GRID2: variants seen among roughly 807,000 people sequenced by gnomAD.
The protein encoded by GRID2 is glutamate ionotropic receptor delta type subunit 2, also known as glutamate receptor ionotropic, delta-2.
In GRID2, 33 loss-of-function variants were observed where a neutral mutation model predicts 114.8. The ratio of observed to expected loss-of-function variants is 0.29; its 90% CI spans 0.22 to 0.38. The LOEUF is 0.38. Ranked by LOEUF, GRID2 falls within the 10% of genes least tolerant of loss-of-function variation. The pLI is 1.00. For missense variants in GRID2, 1,184 were observed against 1,257.7 expected (o/e 0.94, Z 0.89); for synonymous variants, 505 against 449.9 (o/e 1.12, Z -1.55).
At chr4:93,148,020 A>C (rs1481900045) in intron 4 of GRID2, among the ~76,000 whole-genome samples, 2 of 152,194 alleles carry the variant, frequency 1.3e-5, no homozygotes, top group Non-Finnish European at 2.9e-5. Flanking sequence ...GGTACATAGC[A>C]AGTGCTTCAC....
chr4:93,398,123 A>ATGTGTGTGTGTGTGTGTGTG (rs151125359), intron 9 of GRID2, among the ~76,000 whole-genome samples: 7 of 131,532 alleles, frequency 5.3e-5, no homozygotes, highest in African/African-American at 1.6e-4. Flanking sequence ...ACATACATGT[A>ATGTGTGTGTGTGTGTGTGTG]TGTGTGTGTG....
chr4:93,673,910 AG>A (rs1724635664), intron 14 of GRID2, among the ~76,000 whole-genome samples: 1 of 152,030 alleles, frequency 6.6e-6, no homozygotes, highest in Admixed American at 6.6e-5. Context: ...TTCCTCTCAG[AG>A]CACCAACTAG....
intron 13 of GRID2, among the ~76,000 whole-genome samples, chr4:93,548,037 C>T (rs1367341043): frequency 6.6e-6 from 1 of 151,978 alleles, no homozygotes; most frequent in Non-Finnish European, 1.5e-5. Context: ...ATTAGCTGGG[C>T]ACGGTGGTGC....
intron 11 of GRID2, among the ~76,000 whole-genome samples, chr4:93,468,385 A>C (rs1484303401): frequency 1.3e-5 from 2 of 152,094 alleles, no homozygotes; most frequent in Non-Finnish European, 2.9e-5. Context: ...TAAATAAATA[A>C]ATAAACTACA....
At chr4:93,152,337 A>T (rs1450035639) in intron 4 of GRID2, among the ~76,000 whole-genome samples, 1 of 152,154 alleles carries the variant, frequency 6.6e-6, no homozygotes, top group East Asian at 1.9e-4. Context: ...AAGAATAAAA[A>T]GGGAGAAACC....
intron 2 of GRID2, among the ~76,000 whole-genome samples, chr4:92,939,765 G>T (rs1220353752): frequency 6.8e-6 from 1 of 147,376 alleles, no homozygotes; most frequent in African/African-American, 2.4e-5. Flanking sequence ...AAGGGATCCA[G>T]TTTCAGCTTT....
intron 4 of GRID2, among the ~76,000 whole-genome samples, chr4:93,177,430 T>C (rs1739452106): frequency 6.6e-6 from 1 of 152,114 alleles, no homozygotes; most frequent in South Asian, 2.1e-4. Context: ...CCTCATTTTA[T>C]GGATGCAGAA....
At chr4:93,206,666 G>A (rs986963509) in intron 4 of GRID2, among the ~76,000 whole-genome samples, 2 of 151,016 alleles carry the variant, frequency 1.3e-5, no homozygotes, top group African/African-American at 4.9e-5. Flanking sequence ...TTTGGCCTAA[G>A]CCAAGAATCA....
chr4:92,622,728 A>G (rs1218697269), intron 2 of GRID2, among the ~76,000 whole-genome samples: 2 of 151,678 alleles, frequency 1.3e-5, no homozygotes, highest in African/African-American at 4.8e-5. Flanking sequence ...GAGTGCATCA[A>G]ATTTTGAGTC....
intron 2 of GRID2, among the ~76,000 whole-genome samples, chr4:92,788,505 C>T (rs1057442736): frequency 6.6e-6 from 1 of 151,880 alleles, no homozygotes; most frequent in African/African-American, 2.4e-5. Context: ...TAAAAGAGAA[C>T]ATGCAAGAAT....
intron 10 of GRID2, among the ~76,000 whole-genome samples, chr4:93,443,035 A>G (rs1203926781): frequency 6.6e-6 from 1 of 152,002 alleles, no homozygotes; most frequent in Non-Finnish European, 1.5e-5. Context: ...GAAATATACC[A>G]TAAATATAAA....
rs1399520139 is a variant in GRID2, at chr4:93,007,469, T to TA, written c.245-77520dup. ...AATAAAGCAGCAGTAAAGCCTTTTT[T>TA]AAAAAATGCAAGGAAAGACTATATG... On this transcript the variant is annotated intron_variant, in intron 2 of 15. Coordinates refer to ENST00000282020, the MANE Select transcript of GRID2 (RefSeq NM_001510.4). Among the ~76,000 whole-genome samples the TA allele has an allele frequency of 2.6e-5, 4 of 152,148 alleles. No homozygotes were observed. In the East Asian group the frequency reaches 5.8e-4, roughly 22 times the overall value.
At chr4:92,353,119 C>T (rs1370958265) in intron 1 of GRID2, among the ~76,000 whole-genome samples, 1 of 151,786 alleles carries the variant, frequency 6.6e-6, no homozygotes, top group East Asian at 1.9e-4. Context: ...AACTCTTTTG[C>T]CTACTCAATT....
At chr4:93,719,703 CCTAAATGTT>C (rs1729195564) in intron 14 of GRID2, among the ~76,000 whole-genome samples, 1 of 152,126 alleles carries the variant, frequency 6.6e-6, no homozygotes, top group Admixed American at 6.6e-5. Flanking sequence ...CATCACTGGA[CCTAAATGTT>C]TGCTGCAATA....
chr4:93,062,326 A>C (rs1727878357), intron 2 of GRID2, among the ~76,000 whole-genome samples: 1 of 152,136 alleles, frequency 6.6e-6, no homozygotes, highest in Non-Finnish European at 1.5e-5. Flanking sequence ...AAATTTCAAA[A>C]TAAGATGGAG....
intron 2 of GRID2, among the ~76,000 whole-genome samples, chr4:93,018,671 T>C (rs1230753896): frequency 2.0e-5 from 3 of 152,098 alleles, no homozygotes; most frequent in African/African-American, 7.2e-5. Flanking sequence ...ATATCAATAA[T>C]CAAAATCTAA....
rs367612852 is a variant in GRID2 at position 92,771,460 on chromosome 4, C to T, written c.244+181174C>T. Among the ~76,000 whole-genome samples, 19 of 152,102 alleles carry T rather than the reference C, an allele frequency of 1.2e-4. 1 individual carries two copies. Among genetic ancestry groups the T allele is most frequent in the East Asian group, 3.9e-4 (2 of 5,170 alleles). On this transcript the variant is annotated intron_variant, in intron 2 of 15. Transcript: ENST00000282020. The stretch of plus-strand genomic sequence containing the variant: ...ATCCTACATTTTCTAATAGAGTATA[C>T]GGTGGGGAGGTCGGAGATTATTTTC...
At chr4:93,030,986 C>T (rs1409928944) in intron 2 of GRID2, among the ~76,000 whole-genome samples, 1 of 149,546 alleles carries the variant, frequency 6.7e-6, no homozygotes, top group Non-Finnish European at 1.5e-5. Context: ...ATTTTAATGA[C>T]TATTAAAAAA....
chr4:92,361,878 A>C (rs1375604881), intron 1 of GRID2, among the ~76,000 whole-genome samples: 1 of 151,978 alleles, frequency 6.6e-6, no homozygotes, highest in Admixed American at 6.6e-5. Flanking sequence ...TCCTCTTTCC[A>C]TTCTAGGATC....
Sources: gnomAD v4.1 joint callset for allele counts (sites outside exome capture counted in the v4.1 genomes callset) on GRCh38, gnomAD v4.1.1 for gene constraint, MANE v1.5 for transcripts, NCBI Gene and HGNC (gene_info 2026-07-23, HGNC 2026-07-21) for gene names.